Variants in TENM4 observed in about 807,000 individuals in gnomAD.
TENM4 encodes the protein teneurin transmembrane protein 4.
In TENM4, 82 loss-of-function variants were observed where a neutral mutation model predicts 243.3. The observed-to-expected ratio is 0.34, with a 90% CI of 0.28 to 0.40. The LOEUF (loss-of-function observed/expected upper bound fraction) is 0.40. Ranked by LOEUF, TENM4 falls within the 10% of genes least tolerant of loss-of-function variation. TENM4 has a pLI of 1.00. For missense variants in TENM4, 3,138 were observed against 3,673.3 expected, an observed-to-expected ratio of 0.85 and a Z score of 3.77; for synonymous variants, 1,412 against 1,456.3, an observed-to-expected ratio of 0.97 and a Z score of 0.69.
At chr11:78,941,430 C>T (rs572161944) in intron 6 of TENM4, among the ~76,000 whole-genome samples, 214 of 152,268 alleles carry the variant, frequency 1.4e-3, no homozygotes, top group Admixed American at 2.7e-3. Flanking sequence ...TAGGGACTTG[C>T]CTAAAGCATT....
intron 4 of TENM4, among the ~76,000 whole-genome samples, chr11:79,118,129 G>C (rs1861658754): frequency 6.6e-6 from 1 of 152,124 alleles, no homozygotes; most frequent in South Asian, 2.1e-4. Flanking sequence ...ATAAAATTGA[G>C]GTTCAGAGGC....
At chr11:79,108,278 G>C (rs994001514) in intron 4 of TENM4, among the ~76,000 whole-genome samples, 4 of 152,146 alleles carry the variant, frequency 2.6e-5, no homozygotes, top group Non-Finnish European at 5.9e-5. Context: ...GATAATACGA[G>C]TGGCCTCATC....
At chr11:78,721,154 G>T (rs1859641002) in intron 24 of TENM4, among the ~76,000 whole-genome samples, 1 of 152,062 alleles carries the variant, frequency 6.6e-6, no homozygotes, top group African/African-American at 2.4e-5. Flanking sequence ...TTTCTGTTGT[G>T]GTCCATATAT....
intron 21 of TENM4, among the ~76,000 whole-genome samples, chr11:78,731,101 C>A (rs777522586): frequency 1.3e-5 from 2 of 152,208 alleles, no homozygotes; most frequent in Non-Finnish European, 1.5e-5. Flanking sequence ...TTTGCCCTAA[C>A]TGAACGTGCA....
chr11:78,958,636 C>A lies in TENM4; in HGVS notation c.494-55113G>T, dbSNP rs1857255925. ...AGGGCAGCTCTGAGGCCTACCAGATCTGGGATGGCAGCTCAGGCTGGAGTT... is the reference window on the plus strand; with the variant it reads ...AGGGCAGCTCTGAGGCCTACCAGATATGGGATGGCAGCTCAGGCTGGAGTT... On this transcript the variant is annotated intron_variant, in intron 6 of 33. Coordinates refer to ENST00000278550, the MANE Select transcript of TENM4 (RefSeq NM_001098816.3). Among the ~76,000 whole-genome samples the A allele has an allele frequency of 3.9e-5, 6 of 152,196 alleles. No homozygotes were observed. In the South Asian group the frequency reaches 1.2e-3, roughly 31 times the overall value.
At chr11:78,856,359 CT>C (rs1447931769) in intron 10 of TENM4, among the ~76,000 whole-genome samples, 181 bp from the exon 11 acceptor site, 150 of 151,500 alleles carry the variant, frequency 9.9e-4, no homozygotes, top group Middle Eastern at 3.4e-3. Flanking sequence ...AGGTCCAGAA[CT>C]TTTTTTTCCC....
rs1440255023 is a variant in TENM4 at position 79,438,416 on chromosome 11, T to C, written c.-321+2093A>G. ...GCGAGAGGCGAAGGAACGGAAGCCA[T>C]ACCCGACCCCAGCCCCATCCCGTCC... On this transcript the variant is annotated intron_variant, in intron 1 of 33. Coordinates refer to ENST00000278550, the MANE Select transcript of TENM4 (RefSeq NM_001098816.3). This position sits in a 1 kb window ranked among gnomAD's most constrained non-coding sequence, Gnocchi z 4.1. Among the ~76,000 whole-genome samples the C allele has an allele frequency of 6.6e-6, 1 of 152,102 alleles. No individual in the cohort carries two copies. Among genetic ancestry groups the C allele is most frequent in the Non-Finnish European group, 1.5e-5 (1 of 68,014 alleles).
intron 19 of TENM4, among the ~76,000 whole-genome samples, chr11:78,753,200 TTTACTGA>T (rs1473215054): frequency 1.3e-5 from 2 of 152,240 alleles, no homozygotes; most frequent in African/African-American, 4.8e-5. Context: ...AAAGCCACCA[TTTACTGA>T]TCACCTAATA....
chr11:79,336,978 T>C (rs1315757791), intron 1 of TENM4, among the ~76,000 whole-genome samples: 4 of 152,170 alleles, frequency 2.6e-5, no homozygotes, highest in Non-Finnish European at 4.4e-5. Context: ...GAAATCCACA[T>C]TCAAGGCACA....
intron 1 of TENM4, among the ~76,000 whole-genome samples, chr11:79,436,300 C>T (rs974719166): frequency 2.0e-5 from 3 of 152,014 alleles, no homozygotes; most frequent in Non-Finnish European, 2.9e-5. Context: ...CTATAACGGA[C>T]GTTATTGGGA....
chr11:79,158,411 T>C (rs1037517813), intron 3 of TENM4, among the ~76,000 whole-genome samples: 4 of 152,200 alleles, frequency 2.6e-5, no homozygotes, highest in South Asian at 2.1e-4. Flanking sequence ...TCTGTCATGA[T>C]AGCTACAAGG....
Position 79,288,861 on chromosome 11 carries a change from T to C in TENM4, c.-265+8627A>G, listed in dbSNP as rs200471417. On this transcript the variant is annotated intron_variant, in intron 2 of 33. Coordinates refer to ENST00000278550, the MANE Select transcript of TENM4 (RefSeq NM_001098816.3). ...CTGGTTGAAATAAGAATGGGTGAGA[T>C]GACAAGATAGTGTGTGGTAAATTAA... Among the ~76,000 whole-genome samples, 13 of 150,136 alleles carry C rather than the reference T, an allele frequency of 8.7e-5. No homozygotes were observed. In the East Asian group the frequency reaches 2.5e-3, roughly 29 times the overall value.
At chr11:79,124,444 T>C (rs529996239) in intron 4 of TENM4, among the ~76,000 whole-genome samples, 52 of 152,230 alleles carry the variant, frequency 3.4e-4, no homozygotes, top group African/African-American at 1.2e-3. Context: ...CTTTCTCCTG[T>C]GCTGGATGCT....
intron 2 of TENM4, among the ~76,000 whole-genome samples, chr11:79,244,967 G>A (rs1458779166): frequency 6.6e-6 from 1 of 152,154 alleles, no homozygotes; most frequent in Non-Finnish European, 1.5e-5. Context: ...AGGAAGTAAG[G>A]ATTTAGAGGT....
At chr11:79,157,187 C>T (rs1565227627) in intron 3 of TENM4, among the ~76,000 whole-genome samples, 1 of 152,112 alleles carries the variant, frequency 6.6e-6, no homozygotes, top group East Asian at 1.9e-4. Context: ...ATTAGTTGGT[C>T]ATTCTAAGTC....
intron 9 of TENM4, among the ~76,000 whole-genome samples, chr11:78,880,316 C>T (rs1012966905): frequency 7.9e-5 from 12 of 152,212 alleles, no homozygotes; most frequent in African/African-American, 2.7e-4. Flanking sequence ...ACAAACACTG[C>T]GGAAGGCCGC....
At chr11:78,981,431 C>A (rs1416515544) in intron 6 of TENM4, among the ~76,000 whole-genome samples, 1 of 152,166 alleles carries the variant, frequency 6.6e-6, no homozygotes, top group Non-Finnish European at 1.5e-5. Flanking sequence ...ATACCTACTG[C>A]CCTCCTAACA....
chr11:79,091,110 G>A (rs1860937587), intron 4 of TENM4, among the ~76,000 whole-genome samples: 1 of 152,130 alleles, frequency 6.6e-6, no homozygotes, highest in South Asian at 2.1e-4. Context: ...CAGCCTAGGC[G>A]CTTACTTATT....
At chr11:79,225,939 T>A (rs1397370464) in intron 2 of TENM4, among the ~76,000 whole-genome samples, 4 of 152,204 alleles carry the variant, frequency 2.6e-5, no homozygotes, top group African/African-American at 9.6e-5. Context: ...TACTGGTGAA[T>A]GGACTAGACC....
Sources: allele counts gnomAD v4.1 joint callset (sites outside exome capture counted in the v4.1 genomes callset), GRCh38; gene constraint gnomAD v4.1.1; non-coding constraint Gnocchi (gnomAD v3.1); transcripts MANE v1.5; gene names NCBI Gene and HGNC (gene_info 2026-07-23, HGNC 2026-07-21).